ZBTB37: variants seen among roughly 807,000 people sequenced by gnomAD.
ZBTB37 encodes the protein zinc finger and BTB domain-containing protein 37.
A neutral mutation model predicts 37.7 loss-of-function variants in ZBTB37; 15 were observed. The ratio of observed to expected loss-of-function variants is 0.40; its 90% confidence interval spans 0.27 to 0.61. The LOEUF (loss-of-function observed/expected upper bound fraction) is 0.61. Among genes scored for constraint, ZBTB37 ranks in the 20% least tolerant of loss-of-function variants. ZBTB37 has a pLI of 0.44. For synonymous variants in ZBTB37, 231 were observed against 220.6 expected, an observed-to-expected ratio of 1.05 and a Z score of -0.42; for missense variants, 514 against 641.9, an observed-to-expected ratio of 0.80 and a Z score of 2.15.
Position 173,893,168 on chromosome 1 carries a change from GC to G in ZBTB37, c.*7045del, listed in dbSNP as rs1347578635. 3.3e-5 allele frequency: 5 copies of G among 152,358 alleles called. No individual in the cohort carries two copies. The East Asian group carries it at 7.7e-4, about 23-fold the overall frequency. The allele number at this position is 152,358 out of a possible 1,614,324, so 9.4% of individuals were successfully genotyped here. A position where few individuals can be genotyped will look rare whatever the true frequency, so the allele number is the denominator to read the frequency against. Reference sequence around the variant, plus strand: ...TCCTCCTGCTTCGGCCTCCCAAAGTGCTGGACTTAGAGGCATGAACCACTGC... The same window carrying G: ...TCCTCCTGCTTCGGCCTCCCAAAGTGTGGACTTAGAGGCATGAACCACTGC... On this transcript the variant is annotated 3_prime_UTR_variant, in exon 4 of 4. Coordinates refer to the ZBTB37 transcript ENST00000367701.
At chr1:173,872,277 G>A (rs1376209753) in intron 3 of ZBTB37, among the ~76,000 whole-genome samples, 1 of 152,036 alleles carries the variant, frequency 6.6e-6, no homozygotes, top group Non-Finnish European at 1.5e-5. Flanking sequence ...GTTTTACCAT[G>A]CTAGCCAGGA....
chr1:173,873,119 A>G (rs1467715572), intron 3 of ZBTB37, among the ~76,000 whole-genome samples: 1 of 152,218 alleles, frequency 6.6e-6, no homozygotes, highest in Non-Finnish European at 1.5e-5. Context: ...AGAAACAGCC[A>G]AAAACCTGGT....
chr1:173,886,132 A>G (rs1557891192), exon 5 of ZBTB37: 2 of 1,546,972 alleles, frequency 1.3e-6, no homozygotes, highest in Admixed American at 3.9e-5. Flanking sequence ...TGAAACATCC[A>G]GGGGGAGGGG....
chr1:173,873,747 C>A, intron 4 of ZBTB37, 181 bp downstream of exon 4: 2 of 1,060,332 alleles, frequency 1.9e-6, no homozygotes, highest in Non-Finnish European at 2.5e-6. Flanking sequence ...AGAGACATCA[C>A]CAGAAAGGAA....
At chr1:173,871,595 G>A (rs1655567316) in intron 3 of ZBTB37, among the ~76,000 whole-genome samples, 1 of 152,214 alleles carries the variant, frequency 6.6e-6, no homozygotes, top group Non-Finnish European at 1.5e-5. Flanking sequence ...TACCAAATTA[G>A]AGGAAGTATG....
At chr1:173,873,691 A>G in intron 4 of ZBTB37, 125 bp downstream of exon 4, 6 of 1,418,552 alleles carry the variant, frequency 4.2e-6, no homozygotes, top group Admixed American at 2.7e-5. Context: ...GAAATACTGT[A>G]TTTTTTTTCC....
chr1:173,886,248 A>T, exon 5 of ZBTB37: 2 of 1,418,458 alleles, frequency 1.4e-6, no homozygotes, highest in East Asian at 2.5e-5. Flanking sequence ...TGCTCCCAAG[A>T]TGTTGCCAAA....
exon 4 of ZBTB37, chr1:173,896,569 A>G (rs1464097796): frequency 2.0e-5 from 3 of 152,214 alleles, no homozygotes; most frequent in African/African-American, 7.2e-5. Context: ...TTAAATTGCA[A>G]GAGAGAACAA....
At chr1:173,879,818 G>C (rs1297811498) in intron 4 of ZBTB37, among the ~76,000 whole-genome samples, 1 of 152,146 alleles carries the variant, frequency 6.6e-6, no homozygotes, top group African/African-American at 2.4e-5. Flanking sequence ...AGGCATGGTG[G>C]TGGGCACCTG....
intron 4 of ZBTB37, among the ~76,000 whole-genome samples, chr1:173,881,093 A>G (rs544824690): frequency 9.2e-5 from 14 of 151,834 alleles, no homozygotes; most frequent in Non-Finnish European, 1.2e-4. Context: ...TCCTAATGCT[A>G]TCCCTCCCCC....
exon 4 of ZBTB37, chr1:173,893,139 T>C (rs764123261): frequency 3.3e-5 from 5 of 152,238 alleles, no homozygotes; most frequent in East Asian, 1.9e-4. Context: ...CTGGCCTCAA[T>C]TGATCCTCCT....
chr1:173,885,368 C>T (rs1430509333), intron 4 of ZBTB37, among the ~76,000 whole-genome samples: 1 of 152,174 alleles, frequency 6.6e-6, no homozygotes, highest in African/African-American at 2.4e-5. Flanking sequence ...TAAAATAGTA[C>T]ATTCAGCAGG....
At chr1:173,869,923 T>C (rs1039473171) in intron 2 of ZBTB37, among the ~76,000 whole-genome samples, 2 of 152,216 alleles carry the variant, frequency 1.3e-5, no homozygotes, top group Admixed American at 1.3e-4. Context: ...TCTGTTTTGA[T>C]GTTATATAAC....
exon 3 of ZBTB37, chr1:173,870,951 A>C: frequency 6.2e-7 from 1 of 1,614,250 alleles, no homozygotes; most frequent in Non-Finnish European, 8.5e-7. Flanking sequence ...TTCTTGGAGC[A>C]GTACACATCA....
downstream of ZBTB37, chr1:173,888,109 G>C (rs1455562123): frequency 1.3e-5 from 2 of 152,154 alleles, no homozygotes; most frequent in Non-Finnish European, 2.9e-5. Flanking sequence ...TTTGTCTTTA[G>C]AAGACATAGA....
downstream of ZBTB37, chr1:173,886,677 G>A (rs1281168015): frequency 1.3e-5 from 2 of 153,612 alleles, no homozygotes; most frequent in Admixed American, 6.5e-5. Context: ...GAAAGGTTAG[G>A]CTTTATCTTT....
chr1:173,891,025 C>G (rs1002412399), downstream of ZBTB37: 3 of 152,196 alleles, frequency 2.0e-5, no homozygotes, highest in Non-Finnish European at 4.4e-5. Flanking sequence ...AGTTTGCCAA[C>G]TTTTTCTAGA....
At chr1:173,897,697 G>C (rs913757421) in exon 4 of ZBTB37, 1 of 152,178 alleles carries the variant, frequency 6.6e-6, no homozygotes, top group Non-Finnish European at 1.5e-5. Context: ...AGATTGCTCT[G>C]TAGTCCCTTG....
chr1:173,875,170 A>G (rs1655872398), intron 4 of ZBTB37, among the ~76,000 whole-genome samples: 1 of 143,448 alleles, frequency 7.0e-6, no homozygotes. Flanking sequence ...GCACGTGTGT[A>G]CTGTATATAC....
Sources: allele counts gnomAD v4.1 joint callset (sites outside exome capture counted in the v4.1 genomes callset), GRCh38; gene constraint gnomAD v4.1.1; transcripts MANE v1.5; gene names NCBI Gene and HGNC (gene_info 2026-07-23, HGNC 2026-07-21).